Variants in PLXNC1 observed in about 807,000 individuals in gnomAD.
PLXNC1 encodes plexin-C1.
A neutral mutation model predicts 178.2 loss-of-function variants in PLXNC1; 75 were observed. The observed-to-expected ratio is 0.42, with a 90% CI of 0.35 to 0.51. PLXNC1 has a LOEUF of 0.51. Ranked by LOEUF, PLXNC1 falls within the 20% of genes least tolerant of loss-of-function variation. PLXNC1 has a pLI of 0.02. For missense variants in PLXNC1, 1,503 were observed against 1,984.4 expected, an observed-to-expected ratio of 0.76 and a Z score of 4.61; for synonymous variants, 790 against 779.9, an observed-to-expected ratio of 1.01 and a Z score of -0.22.
intron 9 of PLXNC1, among the ~76,000 whole-genome samples, chr12:94,235,925 A>C (rs976083171): frequency 1.3e-5 from 2 of 152,136 alleles, no homozygotes; most frequent in African/African-American, 4.8e-5. Flanking sequence ...TGGCCTAAGG[A>C]CCCTGTAGGT....
chr12:94,243,824 T>C, intron 11 of PLXNC1, 114 bp from the exon 12 acceptor site: 1 of 489,052 alleles, frequency 2.0e-6, no homozygotes, highest in Non-Finnish European at 3.7e-6. Flanking sequence ...TAATTTGCTC[T>C]CAAACATAAT....
Position 94,247,943 on chromosome 12 carries a change from C to T in PLXNC1, c.2429C>T (p.Ala810Val). The T allele has an allele frequency of 6.2e-7, 1 of 1,613,996 alleles. No homozygotes were observed. The highest frequency in any genetic ancestry group is 1.7e-5 in the Admixed American group (1 of 60,018). ...YCVATYCGFL[A>V]PSLKSSKVRT... ...GTGGCGACTTACTGCGGGTTTTTAG[C>T]CCCCAGTTTAAAGAGTTCAAAAGTG... The change falls in exon 13 of 31, where the codon GCC (alanine) becomes GTC (valine). Residue 810 changes from alanine (A) to valine (V), a missense_variant. Transcript: ENST00000258526.
rs1024943518 is a variant in PLXNC1, at chr12:94,260,286, G to A, written c.3252-356G>A. 6.6e-6 allele frequency among the ~76,000 whole-genome samples: 1 copy of A among 152,058 alleles called. No individual in the cohort carries two copies. The highest frequency in any genetic ancestry group is 2.4e-5 in the African/African-American group (1 of 41,390). On this transcript the variant is annotated intron_variant, in intron 19 of 30. Transcript: ENST00000258526. The surrounding 1 kb of genome is among the most constrained non-coding windows in gnomAD (Gnocchi z 4.4). ...TTGCCCAGGCTGGTCTCAAACTCCT[G>A]ACCTCAGGTGATCTGCCTGCTTTAG...
At chr12:94,206,828 G>C (rs553183431) in intron 4 of PLXNC1, among the ~76,000 whole-genome samples, 1 of 152,328 alleles carries the variant, frequency 6.6e-6, no homozygotes, top group Admixed American at 6.5e-5. Context: ...GCCTATCTGA[G>C]AGTGCATCAC....
At chr12:94,156,635 G>A (rs1592716976) in intron 1 of PLXNC1, among the ~76,000 whole-genome samples, 1 of 150,178 alleles carries the variant, frequency 6.7e-6, no homozygotes, top group Admixed American at 6.6e-5. Context: ...GTGCTATCAC[G>A]CCCAGCTAAT....
In PLXNC1 at chr12:94,298,757, C is replaced by T. The variant is rs1968176320; in HGVS notation, c.4200C>T (p.Ile1400=). ...ACGCCCAGGCTGAAAACAAAAAAAT[C>T]ACAGATCCTGACGTCGTACATATTT... The part of the protein sequence containing the change: ...FLDAQAENKK[I]TDPDVVHIWK... Residue 1400 remains isoleucine (I), a synonymous_variant, in exon 27 of 31, where the codon ATC becomes ATT. Coordinates refer to ENST00000258526, the MANE Select transcript of PLXNC1 (RefSeq NM_005761.3). 2.5e-6 allele frequency: 4 copies of T among 1,612,592 alleles called. No homozygotes were observed. In the South Asian group the frequency reaches 3.3e-5, roughly 13 times the overall value.
chr12:94,247,540 G>GT (rs1964562855), intron 12 of PLXNC1, among the ~76,000 whole-genome samples: 1 of 152,128 alleles, frequency 6.6e-6, no homozygotes, highest in Admixed American at 6.6e-5. Flanking sequence ...AGCCCCTTGG[G>GT]TCAGAATCTT....
intron 6 of PLXNC1, among the ~76,000 whole-genome samples, chr12:94,222,719 GA>G (rs141893411): frequency 6.6e-6 from 1 of 152,002 alleles, no homozygotes; most frequent in Admixed American, 6.5e-5. Flanking sequence ...TTTGGTGCTT[GA>G]AAAAAAGTAT....
chr12:94,232,099 C>T (rs189989811), intron 9 of PLXNC1, among the ~76,000 whole-genome samples: 78 of 152,236 alleles, frequency 5.1e-4, no homozygotes, highest in African/African-American at 1.9e-3. Context: ...CTTCTTCCCC[C>T]CTCCGAGATG....
intron 4 of PLXNC1, among the ~76,000 whole-genome samples, chr12:94,207,173 T>C (rs1439967589): frequency 1.3e-5 from 2 of 152,192 alleles, no homozygotes; most frequent in Non-Finnish European, 2.9e-5. Context: ...ATTTTTTCAT[T>C]TTTTATTTGT....
chr12:94,258,548 T>G (rs1164922782), intron 17 of PLXNC1, among the ~76,000 whole-genome samples: 1 of 152,224 alleles, frequency 6.6e-6, no homozygotes, highest in African/African-American at 2.4e-5. Flanking sequence ...GTTTAACCAT[T>G]GATTTTTAAT....
intron 22 of PLXNC1, among the ~76,000 whole-genome samples, chr12:94,281,664 C>T (rs572155034): frequency 6.6e-6 from 1 of 152,270 alleles, no homozygotes; most frequent in African/African-American, 2.4e-5. Context: ...CAAGTAATCC[C>T]CCTGCCTCCG....
Position 94,297,415 on chromosome 12 carries a change from T to G in PLXNC1, c.4066T>G (p.Ser1356Ala). The G allele has an allele frequency of 6.2e-7, 1 of 1,610,578 alleles. No homozygotes were observed. Among genetic ancestry groups the G allele is most frequent in the Non-Finnish European group, 8.5e-7 (1 of 1,177,216 alleles). Residue 1356 changes from serine to alanine, a missense_variant, in exon 26 of 31, where the codon TCG becomes GCG. Physicochemically the swap from Ser to Ala is moderately conservative, Grantham distance 99 (BLOSUM62 1). Around this residue, in one of 4 missense-constraint regions of PLXNC1, gnomAD observed 639 missense variants for 979.7 expected, o/e 0.65. Coordinates refer to ENST00000258526, the MANE Select transcript of PLXNC1 (RefSeq NM_005761.3). ...VKEMYLTKLL[S>A]TKVAIHSVLE... ...AGAAATGTATCTGACAAAGCTGCTG[T>G]CGACCAAGGTACACTTACTGTTCTG...
chr12:94,213,426 T>C (rs996434127), intron 5 of PLXNC1, among the ~76,000 whole-genome samples: 7 of 152,280 alleles, frequency 4.6e-5, no homozygotes, highest in African/African-American at 1.7e-4. Context: ...TTTTTGCTTA[T>C]GTCTGTTGGC....
intron 7 of PLXNC1, 82 bp downstream of exon 7, chr12:94,224,397 C>G (rs757867615): frequency 1.2e-6 from 1 of 856,648 alleles, no homozygotes; most frequent in Non-Finnish European, 2.0e-6. Flanking sequence ...TCCTAAAGAA[C>G]TCTTTTGTGA....
intron 23 of PLXNC1, among the ~76,000 whole-genome samples, chr12:94,291,519 CTG>C (rs1489390990): frequency 6.6e-6 from 1 of 152,198 alleles, no homozygotes; most frequent in East Asian, 1.9e-4. Flanking sequence ...TCATGAACCA[CTG>C]TGTCCAGCCA....
At chr12:94,274,199 A>G (rs113298633) in intron 21 of PLXNC1, among the ~76,000 whole-genome samples, 5,918 of 144,918 alleles carry the variant, frequency 0.041, 225 homozygotes, top group African/African-American at 0.086. Flanking sequence ...TTAGCCAAGC[A>G]TGGCAGTGTG....
At chr12:94,229,929 A>G (rs1964047543) in intron 9 of PLXNC1, among the ~76,000 whole-genome samples, 1 of 152,258 alleles carries the variant, frequency 6.6e-6, no homozygotes, top group Non-Finnish European at 1.5e-5. Flanking sequence ...TTGTGAGACA[A>G]TAATACTTAA....
intron 5 of PLXNC1, among the ~76,000 whole-genome samples, chr12:94,216,950 G>A (rs576267226): frequency 6.6e-6 from 1 of 152,214 alleles, no homozygotes; most frequent in East Asian, 1.9e-4. Context: ...TTCTTAGGAC[G>A]AAGCTTCAGC....
Sources: gnomAD v4.1 joint callset for allele counts (sites outside exome capture counted in the v4.1 genomes callset) on GRCh38, gnomAD v4.1.1 for gene constraint, gnomAD v4.1.1 regional missense constraint, Gnocchi (gnomAD v3.1) non-coding constraint, MANE v1.5 for transcripts, NCBI Gene and HGNC (gene_info 2026-07-23, HGNC 2026-07-21) for gene names.